Variants in DOK6 observed in about 807,000 individuals in gnomAD.
DOK6 encodes the protein docking protein 6.
In DOK6, 22 loss-of-function variants were observed where a neutral mutation model predicts 44.0. The observed-to-expected ratio is 0.50, with a 90% CI of 0.36 to 0.71. The LOEUF (loss-of-function observed/expected upper bound fraction) is 0.71. Ranked by LOEUF, DOK6 falls within the 30% of genes least tolerant of loss-of-function variation. The probability of loss-of-function intolerance (pLI) is 0.00; values close to 1 mark genes in which losing one functional copy is unlikely to be tolerated. For missense variants in DOK6, 340 were observed against 416.4 expected (o/e 0.82, Z 1.60); for synonymous variants, 166 against 145.5 (o/e 1.14, Z -1.01).
intron 3 of DOK6, among the ~76,000 whole-genome samples, chr18:69,672,345 T>C (rs1254889036): frequency 1.3e-5 from 2 of 151,676 alleles, no homozygotes; most frequent in South Asian, 2.1e-4. Context: ...GTGGTTTTGT[T>C]TGTTAGTTTG....
intron 7 of DOK6, among the ~76,000 whole-genome samples, chr18:69,811,000 T>C (rs1981206245): frequency 6.6e-6 from 1 of 152,030 alleles, no homozygotes; most frequent in South Asian, 2.1e-4. Context: ...ATCCATACTG[T>C]CATGCTTACC....
At chr18:69,738,236 T>C (rs921968002) in intron 5 of DOK6, among the ~76,000 whole-genome samples, 3 of 152,360 alleles carry the variant, frequency 2.0e-5, no homozygotes, top group African/African-American at 7.2e-5. Context: ...AATATTTTTA[T>C]GTTATAACTT....
intron 7 of DOK6, among the ~76,000 whole-genome samples, chr18:69,791,826 C>G (rs1980609217): frequency 6.6e-6 from 1 of 152,070 alleles, no homozygotes; most frequent in Non-Finnish European, 1.5e-5. Flanking sequence ...AATATTTGCC[C>G]AGTCCAATGT....
At chr18:69,740,817 G>A (rs761103997) in intron 6 of DOK6, among the ~76,000 whole-genome samples, 6 of 152,212 alleles carry the variant, frequency 3.9e-5, no homozygotes, top group African/African-American at 7.2e-5. Context: ...TATGGATGAC[G>A]GTGATGTCGG....
At chr18:69,697,515 A>C (rs1465081393) in intron 4 of DOK6, among the ~76,000 whole-genome samples, 1 of 152,192 alleles carries the variant, frequency 6.6e-6, no homozygotes, top group Non-Finnish European at 1.5e-5. Context: ...TATTGGACAC[A>C]ATGTAAATCA....
chr18:69,698,345 G>GCCGTTT, intron 4 of DOK6, 59 bp from the exon 5 acceptor site: 1 of 1,452,482 alleles, frequency 6.9e-7, no homozygotes. Flanking sequence ...AATATCGTAT[G>GCCGTTT]GCCATAGACA....
chr18:69,416,181 CGAAGGAAGGAACGAAG>C (rs1278704545), intron 1 of DOK6, among the ~76,000 whole-genome samples: 5 of 2,562 alleles, frequency 2.0e-3, no homozygotes, highest in Non-Finnish European at 4.5e-3. Flanking sequence ...AAGGAAGGAA[CGAAGGAAGGAACGAAG>C]GAAGGAAGGA....
chr18:69,628,940 A>G (rs1420798546), intron 3 of DOK6, among the ~76,000 whole-genome samples: 1 of 152,238 alleles, frequency 6.6e-6, no homozygotes, highest in African/African-American at 2.4e-5. Flanking sequence ...GCAAGCCACA[A>G]ATATCAAGGC....
intron 1 of DOK6, among the ~76,000 whole-genome samples, chr18:69,446,898 G>C (rs998061158): frequency 2.0e-5 from 3 of 152,126 alleles, no homozygotes; most frequent in African/African-American, 7.2e-5. Flanking sequence ...ACTTTTTGAT[G>C]GGGTTGTTTG....
In DOK6 at chr18:69,841,306, CAG is replaced by C. The variant is rs1982211344; in HGVS notation, c.922_923del (p.Ser308Ter). 6.2e-7 allele frequency: 1 copy of C among 1,614,062 alleles called. No homozygotes were observed. The highest frequency in any genetic ancestry group is 1.3e-5 in the African/African-American group (1 of 74,916). On this transcript the variant is annotated frameshift_variant, in exon 8 of 8. Transcript: ENST00000382713. LOFTEE classifies it high-confidence loss of function. Reference protein sequence around the residue: ...AQTFPSYAPEQSEEAQQPLSR... With the variant: ...AQTFPSYAPEXSEEAQQPLSR... ...GACATTTCCCAGCTACGCCCCAGAA[CAG>C]AGTGAAGAGGCCCAGCAGCCGTTGT...
chr18:69,764,673 CA>C, intron 7 of DOK6, among the ~76,000 whole-genome samples: 1 of 152,298 alleles, frequency 6.6e-6, no homozygotes, highest in South Asian at 2.1e-4. Flanking sequence ...TACTCAGTTT[CA>C]GGTGTTTCAT....
intron 1 of DOK6, among the ~76,000 whole-genome samples, chr18:69,501,372 A>G (rs1225074055): frequency 6.6e-6 from 1 of 152,178 alleles, no homozygotes. Flanking sequence ...ACTATTGCCA[A>G]AACAAATACT....
chr18:69,746,674 TTTTA>T (rs1232066050), intron 6 of DOK6, among the ~76,000 whole-genome samples: 1 of 152,238 alleles, frequency 6.6e-6, no homozygotes, highest in Non-Finnish European at 1.5e-5. Flanking sequence ...AAATATTACC[TTTTA>T]TTTGTCATTC....
At chr18:69,791,123 T>C (rs1288355991) in intron 7 of DOK6, among the ~76,000 whole-genome samples, 2 of 152,200 alleles carry the variant, frequency 1.3e-5, no homozygotes, top group African/African-American at 4.8e-5. Context: ...TTCTTTTTTA[T>C]AGCTGAATAT....
intron 1 of DOK6, among the ~76,000 whole-genome samples, chr18:69,473,581 A>G (rs567693099): frequency 1.3e-5 from 2 of 152,294 alleles, no homozygotes; most frequent in South Asian, 4.1e-4. Context: ...TGCACCCAGC[A>G]CTGTCAGTCT....
chr18:69,516,020 T>C (rs1981511879), intron 1 of DOK6, among the ~76,000 whole-genome samples: 1 of 152,252 alleles, frequency 6.6e-6, no homozygotes, highest in Admixed American at 6.5e-5. Flanking sequence ...CTTAATTTTC[T>C]GTAACTTTGT....
chr18:69,475,910 G>T (rs1458288386), intron 1 of DOK6, among the ~76,000 whole-genome samples: 2 of 152,022 alleles, frequency 1.3e-5, no homozygotes, highest in Non-Finnish European at 2.9e-5. Context: ...TTTTATTTTA[G>T]ATTTAAGGGG....
chr18:69,474,830 T>C (rs1980216703), intron 1 of DOK6, among the ~76,000 whole-genome samples: 1 of 152,220 alleles, frequency 6.6e-6, no homozygotes, highest in Non-Finnish European at 1.5e-5. Flanking sequence ...CAAATGGATA[T>C]AACCCCTTTA....
intron 7 of DOK6, among the ~76,000 whole-genome samples, chr18:69,825,669 C>T (rs1011529474): frequency 5.9e-5 from 9 of 151,748 alleles, no homozygotes; most frequent in African/African-American, 1.9e-4. Context: ...TCAATCATAA[C>T]TTCTATTCAA....
Sources: gnomAD v4.1 joint callset for allele counts (sites outside exome capture counted in the v4.1 genomes callset) on GRCh38, gnomAD v4.1.1 for gene constraint, MANE v1.5 for transcripts, NCBI Gene and HGNC (gene_info 2026-07-23, HGNC 2026-07-21) for gene names.